DMD: variants seen among roughly 807,000 people sequenced by gnomAD.
DMD encodes mutant dystrophin.
Under a neutral mutation model 330.1 loss-of-function variants are expected in DMD, and 63 were observed. That is an observed-to-expected ratio of 0.19 (90% CI 0.16 to 0.24). The LOEUF is 0.24. Ranked by LOEUF, DMD falls within the 10% of genes least tolerant of loss-of-function variation. The probability of loss-of-function intolerance (pLI) is 1.00; values close to 1 mark genes in which losing one functional copy is unlikely to be tolerated. For synonymous variants in DMD, 1,223 were observed against 959.8 expected, an observed-to-expected ratio of 1.27 and a Z score of -5.07; for missense variants, 3,344 against 2,684.1, an observed-to-expected ratio of 1.25 and a Z score of -5.43.
Position 32,206,772 on chromosome X carries a change from C to G in DMD, c.6438+10144G>C. On this transcript the variant is annotated intron_variant, in intron 44 of 78. Coordinates refer to ENST00000357033, the MANE Select transcript of DMD (RefSeq NM_004006.3). ...TTTAAACAATTTGTTAAAAATTTTC[C>G]ATCTGATTTCGTTTCTGTAACAGTT... 3 of 430,079 alleles carry G rather than the reference C, an allele frequency of 7.0e-6. No individual in the cohort carries two copies. In the South Asian group the frequency reaches 7.9e-5, roughly 11 times the overall value. 35.4% of individuals were successfully genotyped at this position (430,079 alleles called of 1,213,427 possible). A position where few individuals can be genotyped will look rare whatever the true frequency, so the allele number is the denominator to read the frequency against.
chrX:31,644,574 G>A (rs1052619525), intron 54 of DMD, among the ~76,000 whole-genome samples: 1 of 111,923 alleles, frequency 8.9e-6, no homozygotes, highest in African/African-American at 3.2e-5. Flanking sequence ...TTGTAAAGAT[G>A]TCTGTCCACC....
In DMD at chrX:33,108,868, G is replaced by GAAAAAAAAAAAA. The variant is rs59817056; in HGVS notation, c.32-88680_32-88669dup. Among the ~76,000 whole-genome samples the GAAAAAAAAAAAA allele has an allele frequency of 7.0e-4, 17 of 24,225 alleles. 2 individuals are homozygous for GAAAAAAAAAAAA. The highest frequency in any genetic ancestry group is 2.3e-3 in the Admixed American group (3 of 1,308). 21.0% of individuals were successfully genotyped at this position (24,225 alleles called of 115,157 possible). A position where few individuals can be genotyped will look rare whatever the true frequency, so the allele number is the denominator to read the frequency against. On this transcript the variant is annotated intron_variant, in intron 1 of 78. Transcript: ENST00000357033. The stretch of plus-strand genomic sequence containing the variant: ...GCAACAAGAGTGAAACTCCGTTTCG[G>GAAAAAAAAAAAA]AAAAAAAAAAAAAAAGAAGAAGAGA...
intron 1 of DMD, among the ~76,000 whole-genome samples, chrX:33,249,106 A>C (rs1315728080): frequency 8.9e-6 from 1 of 112,740 alleles, no homozygotes; most frequent in Non-Finnish European, 1.9e-5. Flanking sequence ...CTTTCCATAC[A>C]AAGCCCAAAT....
intron 30 of DMD, among the ~76,000 whole-genome samples, chrX:32,407,872 G>A (rs1250251807): frequency 9.6e-6 from 1 of 103,828 alleles, no homozygotes; most frequent in Non-Finnish European, 2.0e-5. Flanking sequence ...CTATCGCAAG[G>A]ACAAAAAACC....
chrX:32,941,768 C>T (rs1380504559), intron 2 of DMD, among the ~76,000 whole-genome samples: 1 of 110,969 alleles, frequency 9.0e-6, no homozygotes, highest in Non-Finnish European at 1.9e-5. Flanking sequence ...TTGCATGCTC[C>T]CTCCCATAAG....
intron 55 of DMD, among the ~76,000 whole-genome samples, chrX:31,549,645 G>C (rs1284805703): frequency 8.9e-6 from 1 of 112,005 alleles, no homozygotes; most frequent in Non-Finnish European, 1.9e-5. Context: ...ACATCACCTA[G>C]TTTTCACGTT....
At chrX:32,608,137 A>G (rs978121151) in intron 12 of DMD, among the ~76,000 whole-genome samples, 23 of 110,335 alleles carry the variant, frequency 2.1e-4, no homozygotes, top group African/African-American at 5.2e-4. Context: ...AATAAAGTAA[A>G]TAATAATCTG....
At chrX:32,198,537 C>A (rs1226832792) in intron 44 of DMD, among the ~76,000 whole-genome samples, 1 of 111,910 alleles carries the variant, frequency 8.9e-6, no homozygotes, top group African/African-American at 3.2e-5. Context: ...ACCCCAAAGG[C>A]TGTAGGGTAT....
chrX:33,106,054 CCACACACACACA>C (rs1557263796), intron 1 of DMD, among the ~76,000 whole-genome samples: 1 of 89,441 alleles, frequency 1.1e-5, no homozygotes, highest in African/African-American at 5.5e-5. Context: ...GATACACACA[CCACACACACACA>C]CACACACACA....
At chrX:32,049,811 A>G (rs1176616477) in intron 44 of DMD, among the ~76,000 whole-genome samples, 1 of 111,767 alleles carries the variant, frequency 8.9e-6, no homozygotes, top group Non-Finnish European at 1.9e-5. Context: ...TCTGCACTTG[A>G]AGGGCACTTG....
At chrX:31,911,961 G>T (rs2094553325) in intron 47 of DMD, among the ~76,000 whole-genome samples, 1 of 111,770 alleles carries the variant, frequency 8.9e-6, no homozygotes, top group African/African-American at 3.3e-5. Context: ...ATTTTGAAGT[G>T]CCATCTTCTC....
chrX:32,724,563 C>T (rs906171516), intron 7 of DMD, among the ~76,000 whole-genome samples: 6 of 111,221 alleles, frequency 5.4e-5, no homozygotes, highest in Admixed American at 1.9e-4. Context: ...TAAATCAACC[C>T]AATGTGAAGT....
In DMD at chrX:32,390,147, C is replaced by A; in HGVS notation, c.4268G>T (p.Ser1423Ile). The stretch of plus-strand genomic sequence containing the variant: ...ATTATGTTTCTTCATTTCTTCTAAA[C>A]TGATCTCATGACTTGTCAAATCAGA... ...IQSDLTSHEI[S>I]LEEMKKHNQG... Residue 1423 changes from serine to isoleucine, a missense_variant, in exon 31 of 79, where the codon AGT becomes ATT. Transcript: ENST00000357033. The A allele has an allele frequency of 1.7e-6, 2 of 1,209,047 alleles. No homozygotes were observed. The highest frequency in any genetic ancestry group is 3.0e-5 in the East Asian group (1 of 33,761).
At chrX:32,284,805 T>G (rs1053805334) in intron 43 of DMD, among the ~76,000 whole-genome samples, 2 of 112,208 alleles carry the variant, frequency 1.8e-5, no homozygotes, top group Non-Finnish European at 3.8e-5. Context: ...CTAAAAGTCA[T>G]AGGAAATTTA....
chrX:31,984,988 C>A (rs1357648245), intron 44 of DMD, among the ~76,000 whole-genome samples: 1 of 111,448 alleles, frequency 9.0e-6, no homozygotes, highest in Non-Finnish European at 1.9e-5. Flanking sequence ...GTATGCCATA[C>A]AAAGAAATGA....
chrX:32,143,603 C>T (rs1264106460), intron 44 of DMD, among the ~76,000 whole-genome samples: 1 of 108,410 alleles, frequency 9.2e-6, no homozygotes, highest in East Asian at 2.9e-4. Context: ...AGTGCAGTGG[C>T]CTGACCTCTG....
At chrX:33,063,161 T>C (rs759372944) in intron 1 of DMD, among the ~76,000 whole-genome samples, 1 of 111,993 alleles carries the variant, frequency 8.9e-6, no homozygotes, top group South Asian at 3.7e-4. Flanking sequence ...AATTTGAGTT[T>C]TAAAAAATTA....
chrX:32,838,083 T>G (rs1285015698), intron 4 of DMD, among the ~76,000 whole-genome samples: 3 of 111,721 alleles, frequency 2.7e-5, no homozygotes, highest in Non-Finnish European at 5.6e-5. Context: ...AACTTGACAG[T>G]GGTGAATTAA....
chrX:32,851,772 GT>G (rs2081157055), intron 2 of DMD, among the ~76,000 whole-genome samples: 2 of 111,937 alleles, frequency 1.8e-5, no homozygotes, highest in Non-Finnish European at 3.8e-5. Flanking sequence ...ATTGTGAAAC[GT>G]TGCATTGGAA....
Sources: gnomAD v4.1 joint callset for allele counts (sites outside exome capture counted in the v4.1 genomes callset) on GRCh38, gnomAD v4.1.1 for gene constraint, MANE v1.5 for transcripts, NCBI Gene and HGNC (gene_info 2026-07-23, HGNC 2026-07-21) for gene names.